GSK3A: variants seen among roughly 807,000 people sequenced by gnomAD.
GSK3A encodes the protein glycogen synthase kinase-3 alpha.
A neutral mutation model predicts 56.6 loss-of-function variants in GSK3A; 14 were observed. The observed-to-expected ratio is 0.25, with a 90% CI of 0.16 to 0.39. The LOEUF (loss-of-function observed/expected upper bound fraction) is 0.39. Ranked by LOEUF, GSK3A falls within the 10% of genes least tolerant of loss-of-function variation. The pLI is 1.00. For synonymous variants in GSK3A, 301 were observed against 285.0 expected, an observed-to-expected ratio of 1.06 and a Z score of -0.56; for missense variants, 450 against 656.0, an observed-to-expected ratio of 0.69 and a Z score of 3.43.
chr19:42,232,223 G>T, intron 9 of GSK3A, 74 bp from the exon 10 acceptor site: 2 of 937,030 alleles, frequency 2.1e-6, no homozygotes, highest in Non-Finnish European at 3.4e-6. Context: ...TGGGAACCCA[G>T]CTATTGGGAA....
intron 1 of GSK3A, chr19:42,241,945 C>T (rs2036294664): frequency 2.6e-6 from 1 of 388,334 alleles, no homozygotes; most frequent in Non-Finnish European, 4.5e-6. Flanking sequence ...AATGGAAGAA[C>T]AGAGACTTGT....
At chr19:42,242,073 A>G in intron 1 of GSK3A, 110 bp downstream of exon 1, 1 of 950,038 alleles carries the variant, frequency 1.1e-6, no homozygotes, top group South Asian at 4.0e-5. Context: ...CGGTATGGGG[A>G]GGCACAGTGA....
At position 42,242,282 on chromosome 19, in the gene GSK3A, C is replaced by T; in HGVS notation, c.184G>A (p.Ala62Thr). The T allele has an allele frequency of 7.0e-7, 1 of 1,437,902 alleles. No homozygotes were observed. Among genetic ancestry groups the T allele is most frequent in the East Asian group, 3.0e-5 (1 of 32,858 alleles). The allele number at this position is 1,437,902 out of a possible 1,614,324, so 89.1% of individuals were successfully genotyped here. A position where few individuals can be genotyped will look rare whatever the true frequency, so the allele number is the denominator to read the frequency against. The change falls in exon 1 of 11, where the codon GCC (alanine) becomes ACC (threonine). Residue 62 changes from alanine (A) to threonine (T), a missense_variant. Ala to Thr is a moderately conservative substitution (Grantham distance 58). Coordinates refer to ENST00000222330, the MANE Select transcript of GSK3A (RefSeq NM_019884.3). Reference protein sequence around the residue: ...SVGAMGGGVGASSSGGGPGGS... With the variant: ...SVGAMGGGVGTSSSGGGPGGS... ...CCGGGTCCACCCCCGGAGCTCGAGG[C>T]CCCGACGCCCCCACCCATGGCCCCG...
At chr19:42,242,162 A>T (rs1208260579) in intron 1 of GSK3A, 21 bp downstream of exon 1, 1 of 1,356,902 alleles carries the variant, frequency 7.4e-7, no homozygotes, top group Non-Finnish European at 9.5e-7. Flanking sequence ...ACCACCCTAC[A>T]CGGGCGCCAC....
chr19:42,241,908 T>A, intron 1 of GSK3A: 1 of 351,338 alleles, frequency 2.8e-6, no homozygotes. Flanking sequence ...TACCTGTTCT[T>A]AAGGCTCAAG....
At chr19:42,241,920 A>C (rs1369256648) in intron 1 of GSK3A, 1 of 367,172 alleles carries the variant, frequency 2.7e-6, no homozygotes, top group African/African-American at 2.1e-5. Flanking sequence ...AGGCTCAAGG[A>C]CCCAAGACCT....
rs2036285264 is a variant in GSK3A at position 42,240,524 on chromosome 19, C to T, written c.284-382G>A. 3 of 386,580 alleles carry T rather than the reference C, an allele frequency of 7.8e-6. No homozygotes were observed. The South Asian group carries it at 1.3e-4, about 17-fold the overall frequency. The allele number at this position is 386,580 out of a possible 1,614,324, so 23.9% of individuals were successfully genotyped here. A position where few individuals can be genotyped will look rare whatever the true frequency, so the allele number is the denominator to read the frequency against. Reference sequence around the variant, plus strand: ...TCTGGCCCCTCCTATTTGGAGAAAGCTTGACCGAGCCTCTTCCACTTCAGG... The same window carrying T: ...TCTGGCCCCTCCTATTTGGAGAAAGTTTGACCGAGCCTCTTCCACTTCAGG... On this transcript the variant is annotated intron_variant, in intron 1 of 10. Transcript: ENST00000222330.
At chr19:42,233,618 C>T (rs1285969481) in intron 6 of GSK3A, among the ~76,000 whole-genome samples, 1 of 152,148 alleles carries the variant, frequency 6.6e-6, no homozygotes, top group South Asian at 2.1e-4. Flanking sequence ...CTGCTAAGGA[C>T]CCCAATGAGC....
Position 42,230,782 on chromosome 19 carries a change from T to C in GSK3A, c.*12A>G, listed in dbSNP as rs776248674. ...CTCCCAGATGGAAGTGGAAGGGTGCTTGGTGGGGCCCTCAGGAGGAGTTAG... is the reference window on the plus strand; with the variant it reads ...CTCCCAGATGGAAGTGGAAGGGTGCCTGGTGGGGCCCTCAGGAGGAGTTAG... On this transcript the variant is annotated 3_prime_UTR_variant, in exon 11 of 11. Coordinates refer to ENST00000222330, the MANE Select transcript of GSK3A (RefSeq NM_019884.3). 6.5e-7 allele frequency: 1 copy of C among 1,549,516 alleles called. No homozygotes were observed. The highest frequency in any genetic ancestry group is 8.7e-7 in the Non-Finnish European group (1 of 1,143,284).
In GSK3A at chr19:42,230,428, G is replaced by C; in HGVS notation, c.*366C>G. 1 of 274,236 alleles carries C rather than the reference G, an allele frequency of 3.6e-6. No individual in the cohort carries two copies. 17.0% of individuals were successfully genotyped at this position (274,236 alleles called of 1,614,324 possible). A position where few individuals can be genotyped will look rare whatever the true frequency, so the allele number is the denominator to read the frequency against. Reference sequence around the variant, plus strand: ...AAATTATAACAATCTATTTACACCCGGGGGCCAGGGAAGGGAAGAGGAGAC... The same window carrying C: ...AAATTATAACAATCTATTTACACCCCGGGGCCAGGGAAGGGAAGAGGAGAC... On this transcript the variant is annotated 3_prime_UTR_variant, in exon 11 of 11. Transcript: ENST00000222330.
intron 9 of GSK3A, 122 bp downstream of exon 9, chr19:42,232,374 C>T (rs970255948): frequency 8.1e-5 from 72 of 886,482 alleles, no homozygotes; most frequent in Non-Finnish European, 1.2e-4. Context: ...CTTTCCTGAG[C>T]CCCAGGCCTG....
In GSK3A at chr19:42,236,710, C is replaced by T. The variant is rs759795011; in HGVS notation, c.562G>A (p.Glu188Lys). Residue 188 changes from glutamate (E) to lysine (K), a missense_variant, in exon 4 of 11, where the codon GAG becomes AAG. Physicochemically the swap from Glu to Lys is moderately conservative, Grantham distance 56 (BLOSUM62 1). Transcript: ENST00000222330. ...TCCAGCACCAGATTTAGGTAAAGCT[C>T]GTCTTTCTGCAGGGAGCAAAGGAGA... ...FFYSSGEKKD[E>K]LYLNLVLEYV... is the part of the protein sequence containing the mutation. 1.9e-6 allele frequency: 3 copies of T among 1,612,348 alleles called. No individual in the cohort carries two copies. The highest frequency in any genetic ancestry group is 2.5e-6 in the Non-Finnish European group (3 of 1,178,540).
At chr19:42,230,889 G>A (rs2146934665) in intron 10 of GSK3A, 22 bp from the exon 11 acceptor site, 1 of 1,530,116 alleles carries the variant, frequency 6.5e-7, no homozygotes, top group Non-Finnish European at 8.9e-7. Flanking sequence ...CAGGGAAGGA[G>A]CAGAGTTAGC....
intron 4 of GSK3A, among the ~76,000 whole-genome samples, chr19:42,235,039 A>C (rs2036248066): frequency 6.6e-6 from 1 of 152,102 alleles, no homozygotes; most frequent in Admixed American, 6.6e-5. Flanking sequence ...AGGCAGAAGA[A>C]TCACTTGAAC....
At chr19:42,236,795 G>T (rs1171150806) in intron 3 of GSK3A, 63 bp downstream of exon 3, 6 of 1,488,006 alleles carry the variant, frequency 4.0e-6, no homozygotes, top group Non-Finnish European at 5.6e-6. Context: ...GGAGCAGTGG[G>T]GGAAAGGCAG....
In GSK3A at chr19:42,230,611, TA is replaced by T; in HGVS notation, c.*182del. 1.7e-6 allele frequency: 1 copy of T among 605,646 alleles called. No homozygotes were observed. The allele number at this position is 605,646 out of a possible 1,614,324, so 37.5% of individuals were successfully genotyped here. Reference sequence around the variant, plus strand: ...TCCCCACAACCAGTTAAAATCCTCTTAAAAAGCCCACCACAGGGGTGAGGCT... The same window carrying T: ...TCCCCACAACCAGTTAAAATCCTCTTAAAAGCCCACCACAGGGGTGAGGCT... On this transcript the variant is annotated 3_prime_UTR_variant, in exon 11 of 11. Transcript: ENST00000222330.
rs887214529 is a variant in GSK3A at position 42,234,055 on chromosome 19, CT to C, written c.904+297del. Among the ~76,000 whole-genome samples the C allele has an allele frequency of 6.6e-6, 1 of 152,162 alleles. No individual in the cohort carries two copies. Among genetic ancestry groups the C allele is most frequent in the African/African-American group, 2.4e-5 (1 of 41,430 alleles). On this transcript the variant is annotated intron_variant, in intron 6 of 10. Coordinates refer to ENST00000222330, the MANE Select transcript of GSK3A (RefSeq NM_019884.3). This position sits in a 1 kb window ranked among gnomAD's most constrained non-coding sequence, Gnocchi z 5.7. ...CCAAGGTCTCCAGCAGCCCTTCCCC[CT>C]AGCTGAGAACAGAGGGCTGACAGGG...
chr19:42,233,813 T>C (rs1386878462), intron 6 of GSK3A, among the ~76,000 whole-genome samples: 1 of 152,148 alleles, frequency 6.6e-6, no homozygotes, highest in Non-Finnish European at 1.5e-5. Context: ...CCCTGCTTTG[T>C]ACCTTGACCC....
chr19:42,232,121 G>T lies in GSK3A; in HGVS notation c.1314C>A (p.Ala438=). 6.2e-7 allele frequency: 1 copy of T among 1,607,846 alleles called. No homozygotes were observed. The highest frequency in any genetic ancestry group is 1.1e-5 in the South Asian group (1 of 90,778). The change falls in exon 10 of 11, where the codon GCC becomes GCA. Residue 438 remains alanine, a synonymous_variant. Coordinates refer to ENST00000222330, the MANE Select transcript of GSK3A (RefSeq NM_019884.3). ...GELSIQPSLN[A]ILIPPHLRSP... ...ACCTCAAGTGAGGAGGGATGAGAAT[G>T]GCGTTGAGAGACGGTTGGATGGAGA...
Sources: allele counts gnomAD v4.1 joint callset (sites outside exome capture counted in the v4.1 genomes callset), GRCh38; gene constraint gnomAD v4.1.1; non-coding constraint Gnocchi (gnomAD v3.1); transcripts MANE v1.5; gene names NCBI Gene and HGNC (gene_info 2026-07-23, HGNC 2026-07-21).